The following MYH15 variants were observed in gnomAD, a reference collection of about 807,000 sequenced individuals.
The protein encoded by MYH15 is myosin heavy chain 15, also known as myosin-15.
A neutral mutation model predicts 240.5 loss-of-function variants in MYH15; 227 were observed. The observed-to-expected ratio is 0.94, with a 90% CI of 0.85 to 1.05. The LOEUF is 1.05. MYH15 is among the 50% of genes least tolerant of loss of function. The pLI is 0.00. For synonymous variants in MYH15, 785 were observed against 796.7 expected (o/e 0.99, Z 0.25); for missense variants, 2,217 against 2,247.5 (o/e 0.99, Z 0.27).
At chr3:108,487,633 G>A (rs1028300617) in intron 9 of MYH15, among the ~76,000 whole-genome samples, 2 of 152,154 alleles carry the variant, frequency 1.3e-5, no homozygotes, top group Non-Finnish European at 2.9e-5. Context: ...GCTGGGAAAG[G>A]AGGGCTCCAA....
At chr3:108,474,018 A>G (rs1385138345) in intron 12 of MYH15, among the ~76,000 whole-genome samples, 1 of 152,234 alleles carries the variant, frequency 6.6e-6, no homozygotes, top group Admixed American at 6.6e-5. Context: ...AAGTTGTTCA[A>G]CCACTTCACT....
chr3:108,452,405 A>G (rs2082981955), intron 21 of MYH15, among the ~76,000 whole-genome samples: 2 of 152,208 alleles, frequency 1.3e-5, no homozygotes, highest in Non-Finnish European at 2.9e-5. Flanking sequence ...ACAAAAAAAA[A>G]GGAAATAACA....
At chr3:108,517,421 C>T (rs1253283934) in intron 1 of MYH15, among the ~76,000 whole-genome samples, 2 of 152,180 alleles carry the variant, frequency 1.3e-5, no homozygotes, top group Non-Finnish European at 2.9e-5. Flanking sequence ...CAACCTCTGA[C>T]TCCCGGGTTC....
chr3:108,444,603 A>G, intron 22 of MYH15, 37 bp downstream of exon 22: 1 of 1,604,478 alleles, frequency 6.2e-7, no homozygotes. Context: ...GTCTAATTAA[A>G]AACTTGATTT....
At chr3:108,489,363 C>T (rs1182085894) in intron 9 of MYH15, among the ~76,000 whole-genome samples, 9 of 150,380 alleles carry the variant, frequency 6.0e-5, no homozygotes, top group Admixed American at 2.7e-4. Flanking sequence ...AGAATAGACA[C>T]AATAAATAAA....
At chr3:108,433,040 C>A (rs146728875) in intron 25 of MYH15, among the ~76,000 whole-genome samples, 2,596 of 152,266 alleles carry the variant, frequency 0.017, 72 homozygotes, top group African/African-American at 0.059. Context: ...CACCACGCAC[C>A]TGGAAAAGCT....
rs1334748313 is a variant in MYH15, at chr3:108,470,796, T to TC, written c.1284_1285insG (p.Lys429GlufsTer25). ...CTGTTGATCCGTGCCACTAGCCACT[T>TC]AAACATCCTTTCATACATTGACTTG... is the stretch of plus-strand genomic sequence containing the variant. On this transcript the variant is annotated frameshift_variant, in exon 13 of 41. Transcript: ENST00000693548. LOFTEE classifies it high-confidence loss of function. 1 of 1,613,920 alleles carries TC rather than the reference T, an allele frequency of 6.2e-7. No individual in the cohort carries two copies. Among genetic ancestry groups the TC allele is most frequent in the Admixed American group, 1.7e-5 (1 of 60,000 alleles).
the MYH15 span, among the ~76,000 whole-genome samples, chr3:108,536,670 T>C: frequency 6.6e-6 from 1 of 152,214 alleles, no homozygotes; most frequent in African/African-American, 2.4e-5. Flanking sequence ...AGCAGCATCT[T>C]TGAGCTTCAG....
chr3:108,488,559 G>C (rs868610713), intron 9 of MYH15, among the ~76,000 whole-genome samples: 1 of 152,036 alleles, frequency 6.6e-6, no homozygotes. Flanking sequence ...CCTCCCTCCT[G>C]GGCCTCCCAA....
chr3:108,426,812 C>CA (rs912898328), intron 27 of MYH15, among the ~76,000 whole-genome samples: 16 of 152,230 alleles, frequency 1.1e-4, no homozygotes, highest in African/African-American at 3.4e-4. Context: ...GAGCTCCTGC[C>CA]AGGGGGGGGC....
At chr3:108,494,472 T>C (rs529990403) in intron 7 of MYH15, among the ~76,000 whole-genome samples, 4 of 152,194 alleles carry the variant, frequency 2.6e-5, no homozygotes, top group Admixed American at 6.5e-5. Context: ...TTTCCAACTT[T>C]TCTCTCCTTT....
chr3:108,462,862 C>G (rs1379317551), intron 16 of MYH15, among the ~76,000 whole-genome samples: 1 of 151,782 alleles, frequency 6.6e-6, no homozygotes, highest in Non-Finnish European at 1.5e-5. Flanking sequence ...TTTGTTTTCC[C>G]TTTGTAGCTA....
At chr3:108,521,771 C>G (rs1031289399) in intron 1 of MYH15, among the ~76,000 whole-genome samples, 3 of 152,062 alleles carry the variant, frequency 2.0e-5, no homozygotes, top group African/African-American at 7.2e-5. Flanking sequence ...AAATCCCAGG[C>G]AATATGAGAT....
chr3:108,444,974 A>AGGCCGGGCGCGGTGGCTC, intron 21 of MYH15, 79 bp from the exon 22 acceptor site: 1 of 1,440,964 alleles, frequency 6.9e-7, no homozygotes, highest in Non-Finnish European at 9.3e-7. Flanking sequence ...ATCCTCAATA[A>AGGCCGGGCGCGGTGGCTC]ACACATATTT....
At chr3:108,534,983 C>G in the MYH15 span, among the ~76,000 whole-genome samples, 1 of 152,118 alleles carries the variant, frequency 6.6e-6, no homozygotes, top group Middle Eastern at 3.2e-3. Context: ...TGTATTCCCA[C>G]CTGGTGGAAA....
intron 28 of MYH15, among the ~76,000 whole-genome samples, 167 bp from the exon 29 acceptor site, chr3:108,417,097 C>T (rs992091883): frequency 7.9e-5 from 12 of 152,150 alleles, no homozygotes; most frequent in African/African-American, 2.9e-4. Flanking sequence ...TGGCAATGAT[C>T]CTTTCCAGGA....
At chr3:108,523,377 A>G (rs1288145827) in intron 1 of MYH15, among the ~76,000 whole-genome samples, 1 of 152,040 alleles carries the variant, frequency 6.6e-6, no homozygotes, top group Non-Finnish European at 1.5e-5. Context: ...AGAATTAGAT[A>G]TATATCATAC....
chr3:108,515,810 A>G (rs2083568202), intron 1 of MYH15, among the ~76,000 whole-genome samples: 1 of 152,224 alleles, frequency 6.6e-6, no homozygotes, highest in Non-Finnish European at 1.5e-5. Context: ...TGAATCTGAG[A>G]TGTGCAAAAT....
intron 12 of MYH15, among the ~76,000 whole-genome samples, chr3:108,474,283 C>A (rs753010494): frequency 3.9e-4 from 59 of 149,820 alleles, no homozygotes; most frequent in South Asian, 4.2e-4. Flanking sequence ...AGAGAGAGAG[C>A]GAGAGGAGGA....
Sources: allele counts gnomAD v4.1 joint callset (sites outside exome capture counted in the v4.1 genomes callset), GRCh38; gene constraint gnomAD v4.1.1; transcripts MANE v1.5; gene names NCBI Gene and HGNC (gene_info 2026-07-23, HGNC 2026-07-21).